Variants in GNA15 observed in about 807,000 individuals in gnomAD.
GNA15 encodes the protein guanine nucleotide-binding protein subunit alpha-15.
In GNA15, 23 loss-of-function variants were observed where a neutral mutation model predicts 40.1. That is an observed-to-expected ratio of 0.57 (90% CI 0.41 to 0.81). The LOEUF (loss-of-function observed/expected upper bound fraction) is 0.81. Ranked by LOEUF, GNA15 falls within the 40% of genes least tolerant of loss-of-function variation. GNA15 has a pLI of 0.00. For synonymous variants in GNA15, 226 were observed against 210.4 expected, an observed-to-expected ratio of 1.07 and a Z score of -0.64; for missense variants, 522 against 515.8, an observed-to-expected ratio of 1.01 and a Z score of -0.12.
At chr19:3,141,954 G>C (rs1376029443) in intron 1 of GNA15, 4 of 152,564 alleles carry the variant, frequency 2.6e-5, no homozygotes, top group Non-Finnish European at 5.9e-5. Flanking sequence ...GTTTGAGCCA[G>C]AGCGGGACTG....
At position 3,163,127 on chromosome 19, in the gene GNA15, C is replaced by A; in HGVS notation, c.*108C>A. 1 of 724,722 alleles carries A rather than the reference C, an allele frequency of 1.4e-6. No homozygotes were observed. Among genetic ancestry groups the A allele is most frequent in the Non-Finnish European group, 2.4e-6 (1 of 420,256 alleles). The allele number at this position is 724,722 out of a possible 1,614,324, so 44.9% of individuals were successfully genotyped here. ...TATCTCTCCAGCCTCGGCCCACACG[C>A]AAGGGAGTCGGGGGACGGACGGCCC... On this transcript the variant is annotated 3_prime_UTR_variant, in exon 7 of 7. Transcript: ENST00000262958.
intron 1 of GNA15, among the ~76,000 whole-genome samples, chr19:3,141,360 G>C (rs932241034): frequency 6.6e-6 from 1 of 152,092 alleles, no homozygotes; most frequent in African/African-American, 2.4e-5. Context: ...AGCTGTGAAA[G>C]GGACCAGTTA....
chr19:3,151,738 G>A lies in GNA15; in HGVS notation c.517G>A (p.Glu173Lys), dbSNP rs139079286. ...GTCCCACCTGGAGCGCATCACCGAGGAGGGCTACGTCCCCACAGCTCAGGA... is the reference window on the plus strand; with the variant it reads ...GTCCCACCTGGAGCGCATCACCGAGAAGGGCTACGTCCCCACAGCTCAGGA... The part of the protein sequence containing the change: ...YLSHLERITE[E>K]GYVPTAQDVL... The change falls in exon 4 of 7, where the codon GAG (glutamate) becomes AAG (lysine). Residue 173 changes from glutamate to lysine, a missense_variant. Physicochemically the swap from Glu to Lys is moderately conservative, Grantham distance 56. Transcript: ENST00000262958. The surrounding 1 kb of genome is among the most constrained non-coding windows in gnomAD (Gnocchi z 5.0). 6.2e-7 allele frequency: 1 copy of A among 1,608,942 alleles called. No individual in the cohort carries two copies. The highest frequency in any genetic ancestry group is 8.5e-7 in the Non-Finnish European group (1 of 1,177,988).
intron 4 of GNA15, among the ~76,000 whole-genome samples, chr19:3,153,257 T>TAAAA (rs3216349): frequency 7.1e-6 from 1 of 141,332 alleles, no homozygotes; most frequent in Non-Finnish European, 1.5e-5. Context: ...TGGGAATCTT[T>TAAAA]AAAAAAAAAA....
Position 3,151,382 on chromosome 19 carries a change from G to A in GNA15, c.486-325G>A, listed in dbSNP as rs1410094469. ...TCCAAGGTGGCTTGATGTCTGGGAA[G>A]ACTGTTCCCAGGCTACCAGCATTCT... On this transcript the variant is annotated intron_variant, in intron 3 of 6. Coordinates refer to ENST00000262958, the MANE Select transcript of GNA15 (RefSeq NM_002068.4). This position sits in a 1 kb window ranked among gnomAD's most constrained non-coding sequence, Gnocchi z 5.0. 6.6e-6 allele frequency among the ~76,000 whole-genome samples: 1 copy of A among 152,100 alleles called. No homozygotes were observed. The highest frequency in any genetic ancestry group is 1.5e-5 in the Non-Finnish European group (1 of 67,974).
intron 2 of GNA15, 92 bp from the exon 3 acceptor site, chr19:3,150,039 T>C: frequency 9.2e-7 from 1 of 1,092,180 alleles, no homozygotes; most frequent in South Asian, 1.4e-5. Flanking sequence ...AGAGCGTGTT[T>C]CAGGGAGGGA....
intron 2 of GNA15, 66 bp downstream of exon 2, chr19:3,148,841 C>CGGAGCA (rs562336693): frequency 0.01 from 14,611 of 1,453,282 alleles, 139 homozygotes; most frequent in Non-Finnish European, 0.011. Flanking sequence ...CCCCAGACCC[C>CGGAGCA]GGAGCAGGGC....
chr19:3,162,567 C>T lies in GNA15; in HGVS notation c.899-226C>T, dbSNP rs530284653. 1.8e-4 allele frequency among the ~76,000 whole-genome samples: 28 copies of T among 152,316 alleles called. 1 individual carries two copies. In the South Asian group the frequency reaches 4.4e-3, roughly 24 times the overall value. ...AGTCCCAGAGCTGGGTCTCATTGGTCCATTTCAGGTCACATGACTCGTGTG... is the reference window on the plus strand; with the variant it reads ...AGTCCCAGAGCTGGGTCTCATTGGTTCATTTCAGGTCACATGACTCGTGTG... On this transcript the variant is annotated intron_variant, in intron 6 of 6. Coordinates refer to ENST00000262958, the MANE Select transcript of GNA15 (RefSeq NM_002068.4).
intron 1 of GNA15, among the ~76,000 whole-genome samples, chr19:3,147,409 T>C (rs1385441996): frequency 6.6e-6 from 1 of 151,668 alleles, no homozygotes; most frequent in African/African-American, 2.4e-5. Flanking sequence ...AAAAATTAAC[T>C]AGGCGTGGTG....
chr19:3,148,966 C>A, intron 2 of GNA15, 191 bp downstream of exon 2: 1 of 596,176 alleles, frequency 1.7e-6, no homozygotes, highest in Non-Finnish European at 3.0e-6. Context: ...TACAAGTGCA[C>A]ACACAAGTAT....
chr19:3,147,811 C>T (rs903896724), intron 1 of GNA15, among the ~76,000 whole-genome samples: 77 of 149,540 alleles, frequency 5.1e-4, no homozygotes, highest in Non-Finnish European at 8.3e-4. Context: ...TGGTGTGAAC[C>T]CGGGAGACGG....
At chr19:3,156,163 G>C (rs868753361) in intron 5 of GNA15, among the ~76,000 whole-genome samples, 132 of 136,032 alleles carry the variant, frequency 9.7e-4, no homozygotes, top group African/African-American at 3.5e-3. Flanking sequence ...CAGGACCCCA[G>C]ACACACACAC....
chr19:3,150,429 G>C (rs1914853223), intron 3 of GNA15, 144 bp downstream of exon 3: 3 of 693,062 alleles, frequency 4.3e-6, no homozygotes, highest in Non-Finnish European at 6.9e-6. Context: ...CCTTCCAGGG[G>C]GACCCTAATT....
At chr19:3,141,396 T>A (rs1289893680) in intron 1 of GNA15, among the ~76,000 whole-genome samples, 1 of 152,142 alleles carries the variant, frequency 6.6e-6, no homozygotes, top group Non-Finnish European at 1.5e-5. Flanking sequence ...AAACATTTTA[T>A]TTTTTATTTT....
At chr19:3,157,655 G>A (rs541961929) in intron 5 of GNA15, 73 bp from the exon 6 acceptor site, 44 of 1,388,780 alleles carry the variant, frequency 3.2e-5, no homozygotes, top group Admixed American at 1.6e-4. Flanking sequence ...CAACAGCCCC[G>A]TCTCCGCGAT....
At chr19:3,137,121 T>C (rs1914477027) in intron 1 of GNA15, among the ~76,000 whole-genome samples, 1 of 152,372 alleles carries the variant, frequency 6.6e-6, no homozygotes, top group East Asian at 1.9e-4. Context: ...TCATTATTCA[T>C]TCATTTAAGA....
At chr19:3,156,798 T>C (rs527259138) in intron 5 of GNA15, among the ~76,000 whole-genome samples, 32 of 151,936 alleles carry the variant, frequency 2.1e-4, no homozygotes, top group South Asian at 8.3e-4. Flanking sequence ...GCCCAGCCAA[T>C]AGCCTCTTTT....
chr19:3,147,557 GA>G (rs869091041), intron 1 of GNA15, among the ~76,000 whole-genome samples: 1 of 29,882 alleles, frequency 3.3e-5, no homozygotes, highest in Non-Finnish European at 7.3e-5. Context: ...TAAAAAAAAA[GA>G]AAAAAAGAAA....
chr19:3,161,121 T>A (rs1438360407), intron 6 of GNA15, among the ~76,000 whole-genome samples: 1 of 152,024 alleles, frequency 6.6e-6, no homozygotes, highest in Non-Finnish European at 1.5e-5. Context: ...TTTTGTATAT[T>A]TCTGTAGAGA....
Sources: gnomAD v4.1 joint callset for allele counts (sites outside exome capture counted in the v4.1 genomes callset) on GRCh38, gnomAD v4.1.1 for gene constraint, Gnocchi (gnomAD v3.1) non-coding constraint, MANE v1.5 for transcripts, NCBI Gene and HGNC (gene_info 2026-07-23, HGNC 2026-07-21) for gene names.